DNAH5: variants seen among roughly 807,000 people sequenced by gnomAD.
DNAH5 encodes axonemal beta dynein heavy chain 5.
Under a neutral mutation model 518.2 loss-of-function variants are expected in DNAH5, and 372 were observed. The ratio of observed to expected loss-of-function variants is 0.72; its 90% CI spans 0.66 to 0.78. The LOEUF is 0.78. Ranked by LOEUF, DNAH5 falls within the 30% of genes least tolerant of loss-of-function variation. The probability of loss-of-function intolerance (pLI) is 0.00; values close to 1 mark genes in which losing one functional copy is unlikely to be tolerated. For missense variants in DNAH5, 5,523 were observed against 5,687.0 expected, an observed-to-expected ratio of 0.97 and a Z score of 0.93; for synonymous variants, 2,039 against 2,025.9, an observed-to-expected ratio of 1.01 and a Z score of -0.17.
intron 1 of DNAH5, chr5:13,932,565 T>C (rs1328378421): frequency 6.6e-6 from 1 of 152,212 alleles, no homozygotes; most frequent in African/African-American, 2.4e-5. Context: ...AAAAGTCAGA[T>C]AATAAATATT....
chr5:13,796,806 C>A (rs928903001), intron 47 of DNAH5, among the ~76,000 whole-genome samples: 2 of 152,160 alleles, frequency 1.3e-5, no homozygotes, highest in African/African-American at 4.8e-5. Context: ...AACTATACTA[C>A]AAGGCTACAG....
chr5:13,769,297 G>C (rs933801922), intron 57 of DNAH5, among the ~76,000 whole-genome samples, 161 bp from the exon 58 acceptor site: 2 of 148,764 alleles, frequency 1.3e-5, no homozygotes, highest in East Asian at 3.9e-4. Context: ...GCCCAGGCTG[G>C]AGTGCAGTAG....
rs1770939488 is a variant in DNAH5 at position 13,876,716 on chromosome 5, C to T, written c.3364G>A (p.Val1122Met). 2 of 1,613,824 alleles carry T rather than the reference C, an allele frequency of 1.2e-6. No homozygotes were observed. The highest frequency in any genetic ancestry group is 1.3e-5 in the African/African-American group (1 of 74,922). Residue 1122 changes from valine (V) to methionine (M), a missense_variant, in exon 22 of 79, where the codon GTG (valine) becomes ATG (methionine). Physicochemically the swap from Val to Met is conservative, Grantham distance 21 (BLOSUM62 1). Transcript: ENST00000265104. ...GTGGAGTTGATAATTGTGCTAAGCA[C>T]AGAAACTAATTTTACAATCTCTTTG... ...ENKEIVKLVS[V>M]LSTIINSTKK...
chr5:13,770,723 G>C (rs1753219658), intron 56 of DNAH5, 26 bp downstream of exon 56: 1 of 1,600,732 alleles, frequency 6.2e-7, no homozygotes, highest in Non-Finnish European at 8.6e-7. Flanking sequence ...CTTTAATATA[G>C]CTTTGTATAA....
chr5:13,977,596 G>A (rs935981208), intron 1 of DNAH5, among the ~76,000 whole-genome samples: 9 of 151,954 alleles, frequency 5.9e-5, no homozygotes, highest in African/African-American at 2.2e-4. Flanking sequence ...GGCTTTGACT[G>A]AATCCTCCCC....
intron 41 of DNAH5, among the ~76,000 whole-genome samples, chr5:13,819,012 G>C (rs6895947): frequency 0.41 from 62,771 of 151,994 alleles, 13,285 homozygotes; most frequent in East Asian, 0.61. Flanking sequence ...AACTTCTCCA[G>C]AATCAGTGAT....
chr5:13,913,754 T>C lies in DNAH5; in HGVS notation c.1525A>G (p.Thr509Ala), dbSNP rs1402513950. ...STIEGLEDMA[T>A]KYQGIVATIK... ...TTAAAGTACAATACCTGGTATTTAG[T>C]GGCCATGTCTTCCAGCCCTTCAATT... Residue 509 changes from threonine to alanine, a missense_variant, in exon 11 of 79, where the codon ACT (threonine) becomes GCT (alanine). Around this residue, in one of 3 missense-constraint regions of DNAH5, gnomAD observed 5,121 missense variants for 5,223.3 expected, o/e 0.98. Coordinates refer to ENST00000265104, the MANE Select transcript of DNAH5 (RefSeq NM_001369.3). 4.3e-6 allele frequency: 7 copies of C among 1,613,516 alleles called. No homozygotes were observed. Among genetic ancestry groups the C allele is most frequent in the Non-Finnish European group, 5.1e-6 (6 of 1,179,468 alleles).
At chr5:13,844,815 C>A in intron 32 of DNAH5, 22 bp downstream of exon 32, 1 of 1,614,116 alleles carries the variant, frequency 6.2e-7, no homozygotes, top group Non-Finnish European at 8.5e-7. Flanking sequence ...GATTGTTGGC[C>A]TGCCATTAGA....
At position 13,717,320 on chromosome 5, in the gene DNAH5, T is replaced by G. The variant is rs191082214; in HGVS notation, c.12700A>C (p.Lys4234Gln). ...IQNHLDDMDVKKGVSWTTIRY... is the reference protein window; with the variant it reads ...IQNHLDDMDVQKGVSWTTIRY... The stretch of plus-strand genomic sequence containing the variant: ...GGCAGCATGCGCGGCAGTACCTTTT[T>G]GACATCCATGTCATCCAAGTGGTTT... The change falls in exon 73 of 79, where the codon AAA (lysine) becomes CAA (glutamine). Residue 4234 changes from lysine to glutamine, a missense_variant. This residue lies in a region of DNAH5 where 5,121 missense variants were observed against 5,223.3 expected (regional missense o/e 0.98). Coordinates refer to ENST00000265104, the MANE Select transcript of DNAH5 (RefSeq NM_001369.3). The G allele has an allele frequency of 1.2e-6, 2 of 1,613,712 alleles. No individual in the cohort carries two copies. Among genetic ancestry groups the G allele is most frequent in the Non-Finnish European group, 1.7e-6 (2 of 1,179,890 alleles).
chr5:13,870,186 T>G (rs76394167), intron 24 of DNAH5, among the ~76,000 whole-genome samples: 2,226 of 152,158 alleles, frequency 0.015, 63 homozygotes, highest in African/African-American at 0.051. Flanking sequence ...AAGGATGAAA[T>G]GAGTTACTGC....
intron 16 of DNAH5, among the ~76,000 whole-genome samples, chr5:13,892,859 G>A (rs1294213107): frequency 5.9e-5 from 9 of 152,080 alleles, no homozygotes; most frequent in Non-Finnish European, 1.2e-4. Context: ...CAAGGAAATC[G>A]GGTTCTAAAC....
Position 13,834,294 on chromosome 5 carries a change from A to G in DNAH5, c.5883-3519T>C, listed in dbSNP as rs74823340. Among the ~76,000 whole-genome samples, 430 of 152,330 alleles carry G rather than the reference A, an allele frequency of 2.8e-3. 13 individuals are homozygous for G. The East Asian group carries it at 0.07, about 25-fold the overall frequency. ...AGAATCAAATTGCAGAAAAGACTGT[A>G]AACTATGATACCTATATGTGAAACT... On this transcript the variant is annotated intron_variant, in intron 35 of 78. Transcript: ENST00000265104.
At chr5:13,771,289 T>C in intron 55 of DNAH5, 1 of 385,690 alleles carries the variant, frequency 2.6e-6, no homozygotes, top group South Asian at 2.5e-5. Flanking sequence ...GTTTTATGGT[T>C]TACATCAGGA....
At chr5:13,746,100 C>T (rs1294577524) in intron 65 of DNAH5, among the ~76,000 whole-genome samples, 1 of 151,930 alleles carries the variant, frequency 6.6e-6, no homozygotes, top group African/African-American at 2.4e-5. Context: ...GTTTAAAATA[C>T]CTTATTTCTT....
At chr5:13,771,208 T>G in intron 55 of DNAH5, 1 of 532,202 alleles carries the variant, frequency 1.9e-6, no homozygotes, top group Admixed American at 3.2e-5. Flanking sequence ...CTATCAACAC[T>G]CTTTGTTGCC....
intron 57 of DNAH5, 81 bp downstream of exon 57, chr5:13,769,420 C>T: frequency 8.9e-7 from 1 of 1,118,764 alleles, no homozygotes; most frequent in Non-Finnish European, 1.4e-6. Context: ...CTAGTTATAG[C>T]CAGTGAATAT....
In DNAH5 at chr5:13,793,168, C is replaced by T. The variant is rs1046658568; in HGVS notation, c.8224+347G>A. ...AGCTACATAAACTTTCGACATGGAACATAGCAATCCAGACCTCAAAACTAT... is the reference window on the plus strand; with the variant it reads ...AGCTACATAAACTTTCGACATGGAATATAGCAATCCAGACCTCAAAACTAT... On this transcript the variant is annotated intron_variant, in intron 49 of 78. Coordinates refer to ENST00000265104, the MANE Select transcript of DNAH5 (RefSeq NM_001369.3). 7.2e-5 allele frequency among the ~76,000 whole-genome samples: 11 copies of T among 152,298 alleles called. No homozygotes were observed. In the South Asian group the frequency reaches 2.1e-3, roughly 29 times the overall value.
rs540162375 is a variant in DNAH5, at chr5:13,935,777, G to T, written c.58-4533C>A. On this transcript the variant is annotated intron_variant, in intron 1 of 78. Coordinates refer to ENST00000265104, the MANE Select transcript of DNAH5 (RefSeq NM_001369.3). The stretch of plus-strand genomic sequence containing the variant: ...AGGAACTGCAGCAACAAGCAGTCAG[G>T]TGACTAGTTCTTTGGGGGTTGGCTT... Among the ~76,000 whole-genome samples the T allele has an allele frequency of 2.0e-5, 3 of 152,322 alleles. No individual in the cohort carries two copies. The South Asian group carries it at 6.2e-4, about 32-fold the overall frequency.
chr5:13,789,156 A>C (rs544614729), intron 50 of DNAH5, among the ~76,000 whole-genome samples: 2 of 152,330 alleles, frequency 1.3e-5, no homozygotes, highest in East Asian at 3.9e-4. Flanking sequence ...AATAATATTG[A>C]AAATTGCTCT....
Sources: allele counts gnomAD v4.1 joint callset (sites outside exome capture counted in the v4.1 genomes callset), GRCh38; gene constraint gnomAD v4.1.1; regional missense constraint gnomAD v4.1.1; transcripts MANE v1.5; gene names NCBI Gene and HGNC (gene_info 2026-07-23, HGNC 2026-07-21).